KIF1B: variants seen among roughly 807,000 people sequenced by gnomAD.
KIF1B encodes the protein kinesin family member 1B, also known as kinesin-like protein KIF1B.
In KIF1B, 76 loss-of-function variants were observed where a neutral mutation model predicts 241.9. The observed-to-expected ratio is 0.31, with a 90% CI of 0.26 to 0.38. The LOEUF is 0.38. Ranked by LOEUF, KIF1B falls within the 10% of genes least tolerant of loss-of-function variation. The pLI, the probability that KIF1B is intolerant of heterozygous loss-of-function variation, is 1.00. For synonymous variants in KIF1B, 750 were observed against 796.7 expected (o/e 0.94, Z 0.99); for missense variants, 1,622 against 2,271.4 (o/e 0.71, Z 5.81).
chr1:10,216,954 TTTC>T (rs1226452821), intron 1 of KIF1B, among the ~76,000 whole-genome samples: 31 of 117,770 alleles, frequency 2.6e-4, no homozygotes, highest in Non-Finnish European at 4.4e-4. Context: ...ACTTGCCCAT[TTTC>T]TTTTTTTTTT....
chr1:10,282,917 G>A (rs10492971), intron 15 of KIF1B, among the ~76,000 whole-genome samples: 51,343 of 151,886 alleles, frequency 0.34, 8,828 homozygotes, highest in Admixed American at 0.38. Flanking sequence ...TAATAAAGAT[G>A]AAGTTTGGGC....
intron 22 of KIF1B, among the ~76,000 whole-genome samples, chr1:10,298,323 G>C (rs1453898894): frequency 6.6e-6 from 1 of 152,160 alleles, no homozygotes; most frequent in Admixed American, 6.5e-5. Flanking sequence ...AGAAGAAGGG[G>C]CTTAGTGCTA....
intron 2 of KIF1B, among the ~76,000 whole-genome samples, chr1:10,233,899 C>T (rs1050477461): frequency 6.6e-6 from 1 of 151,898 alleles, no homozygotes; most frequent in Non-Finnish European, 1.5e-5. Context: ...GCCTCGGCCT[C>T]GCAAAGTGCT....
Position 10,304,968 on chromosome 1 carries a change from A to G in KIF1B, c.2115+7722A>G, listed in dbSNP as rs543216101. 3.6e-5 allele frequency: 42 copies of G among 1,164,870 alleles called. No homozygotes were observed. In the African/African-American group the frequency reaches 6.3e-4, roughly 17 times the overall value. 72.2% of individuals were successfully genotyped at this position (1,164,870 alleles called of 1,614,324 possible). Reference sequence around the variant, plus strand: ...CTTGATGTAAGTTTGTTATGTTTTTATAATGCCTATAAATTAATCTGACAT... The same window carrying G: ...CTTGATGTAAGTTTGTTATGTTTTTGTAATGCCTATAAATTAATCTGACAT... On this transcript the variant is annotated intron_variant, in intron 22 of 48. Coordinates refer to ENST00000676179, the MANE Select transcript of KIF1B (RefSeq NM_001365951.3).
At position 10,341,880 on chromosome 1, in the gene KIF1B, A is replaced by T. The variant is rs1569861168; in HGVS notation, c.3514-170A>T. On this transcript the variant is annotated intron_variant, in intron 32 of 48. Coordinates refer to ENST00000676179, the MANE Select transcript of KIF1B (RefSeq NM_001365951.3). ...TAGCTACTCCGGAGGCTGAGGCAGG[A>T]GGATTGCTTGAGCCCGGGAGGGTGA... Among the ~76,000 whole-genome samples the T allele has an allele frequency of 4.7e-5, 7 of 150,042 alleles. No individual in the cohort carries two copies. In the South Asian group the frequency reaches 1.5e-3, roughly 32 times the overall value.
At position 10,368,485 on chromosome 1, in the gene KIF1B, C is replaced by G. The variant is rs1277117803; in HGVS notation, c.4771C>G (p.His1591Asp). ...LATKCLQLLT[H>D]TFNREFSQVH... ...TCTTTAGTGCCTGCAACTTCTCACC[C>G]ACACTTTCAACAGAGAATTCAGCCA... Residue 1591 changes from histidine (H) to aspartate (D), a missense_variant, in exon 44 of 49, where the codon CAC becomes GAC. Coordinates refer to ENST00000676179, the MANE Select transcript of KIF1B (RefSeq NM_001365951.3). The G allele has an allele frequency of 1.2e-6, 2 of 1,613,826 alleles. No individual in the cohort carries two copies.
At chr1:10,309,895 CT>C (rs1405189217) in intron 22 of KIF1B, among the ~76,000 whole-genome samples, 1 of 151,116 alleles carries the variant, frequency 6.6e-6, no homozygotes, top group Non-Finnish European at 1.5e-5. Context: ...ACACTCTGCC[CT>C]TTTTTTTGTT....
Position 10,380,738 on chromosome 1 carries a change from TC to T in KIF1B, c.*4154del. Reference sequence around the variant, plus strand: ...AAGAAAAGATTCATGATGCTGCTGCTCCCAGAAGGTTTGCTGGATGTGTTTA... The same window carrying T: ...AAGAAAAGATTCATGATGCTGCTGCTCCAGAAGGTTTGCTGGATGTGTTTA... On this transcript the variant is annotated 3_prime_UTR_variant, in exon 49 of 49. Coordinates refer to ENST00000676179, the MANE Select transcript of KIF1B (RefSeq NM_001365951.3). 1 of 214,346 alleles carries T rather than the reference TC, an allele frequency of 4.7e-6. No individual in the cohort carries two copies. The highest frequency in any genetic ancestry group is 7.0e-5 in the East Asian group (1 of 14,356). 13.3% of individuals were successfully genotyped at this position (214,346 alleles called of 1,614,324 possible).
At chr1:10,254,421 A>G (rs1338869848) in intron 2 of KIF1B, among the ~76,000 whole-genome samples, 1 of 152,196 alleles carries the variant, frequency 6.6e-6, no homozygotes, top group Non-Finnish European at 1.5e-5. Context: ...TTACACTCCA[A>G]AATGACTTAG....
In KIF1B at chr1:10,374,325, A is replaced by G. The variant is rs754035305; in HGVS notation, c.4956A>G (p.Glu1652=). ...TCTCTCTATTTTAAAGGACCCCAGA[A>G]GCCAATTCCCGGGCCTCTAGTCCCT... ...RSNSLDQKTP[E]ANSRASSPCP... is the part of the protein sequence containing the mutation. Residue 1652 remains glutamate (E), a synonymous_variant, in exon 46 of 49, where the codon GAA becomes GAG. Coordinates refer to ENST00000676179, the MANE Select transcript of KIF1B (RefSeq NM_001365951.3). This position sits in a 1 kb window ranked among gnomAD's most constrained non-coding sequence, Gnocchi z 4.3. 3.1e-6 allele frequency: 5 copies of G among 1,614,142 alleles called. No individual in the cohort carries two copies. The South Asian group carries it at 3.3e-5, about 11-fold the overall frequency.
chr1:10,316,031 G>A (rs1459951898), intron 22 of KIF1B, among the ~76,000 whole-genome samples: 1 of 146,788 alleles, frequency 6.8e-6, no homozygotes, highest in African/African-American at 2.6e-5. Flanking sequence ...ACTCCAGCCT[G>A]GGTGACAGAG....
chr1:10,291,268 C>A, intron 16 of KIF1B, 107 bp downstream of exon 16: 1 of 851,864 alleles, frequency 1.2e-6, no homozygotes, highest in Non-Finnish European at 1.8e-6. Flanking sequence ...GTCTGCCCTT[C>A]TAAAACACAA....
At chr1:10,274,172 A>G (rs1216602803) in intron 10 of KIF1B, among the ~76,000 whole-genome samples, 1 of 149,274 alleles carries the variant, frequency 6.7e-6, no homozygotes, top group East Asian at 1.9e-4. Context: ...TCCTGACCTC[A>G]AGTGATCCAC....
rs1374161210 is a variant in KIF1B at position 10,378,725 on chromosome 1, C to G, written c.*2138C>G. On this transcript the variant is annotated 3_prime_UTR_variant, in exon 49 of 49. Coordinates refer to ENST00000676179, the MANE Select transcript of KIF1B (RefSeq NM_001365951.3). Reference sequence around the variant, plus strand: ...CCTTGTTTCTCACTTCCTGGTTGGGCTCATCTCTGAAGAACAGGTCTCCCA... The same window carrying G: ...CCTTGTTTCTCACTTCCTGGTTGGGGTCATCTCTGAAGAACAGGTCTCCCA... 2 of 387,820 alleles carry G rather than the reference C, an allele frequency of 5.2e-6. No individual in the cohort carries two copies. The highest frequency in any genetic ancestry group is 4.0e-5 in the African/African-American group (2 of 49,958). 24.0% of individuals were successfully genotyped at this position (387,820 alleles called of 1,614,324 possible). A position where few individuals can be genotyped will look rare whatever the true frequency, so the allele number is the denominator to read the frequency against.
intron 2 of KIF1B, among the ~76,000 whole-genome samples, chr1:10,246,478 G>T (rs1217750083): frequency 6.6e-6 from 1 of 152,190 alleles, no homozygotes; most frequent in South Asian, 2.1e-4. Flanking sequence ...GGGTGTGGTG[G>T]CTCACGCCTG....
chr1:10,353,447 C>T (rs1312555906), intron 38 of KIF1B, among the ~76,000 whole-genome samples: 1 of 152,152 alleles, frequency 6.6e-6, no homozygotes, highest in Non-Finnish European at 1.5e-5. Context: ...ATCCTCTTAC[C>T]TCACCCAGGA....
At chr1:10,342,219 T>C (rs748253668) in intron 33 of KIF1B, 51 bp downstream of exon 33, 4 of 1,119,268 alleles carry the variant, frequency 3.6e-6, no homozygotes, top group Non-Finnish European at 5.5e-6. Context: ...TGATTTTTAG[T>C]TTCTCAATTG....
At chr1:10,324,418 C>T (rs1269733774) in intron 25 of KIF1B, among the ~76,000 whole-genome samples, 2 of 152,098 alleles carry the variant, frequency 1.3e-5, no homozygotes. Context: ...TATAATCTGG[C>T]TTCTTTTACA....
intron 4 of KIF1B, 81 bp from the exon 5 acceptor site, chr1:10,261,824 G>A: frequency 4.7e-6 from 4 of 848,356 alleles, no homozygotes; most frequent in Non-Finnish European, 8.3e-6. Context: ...AGGACGTCTG[G>A]CTAATTCATT....
Sources: gnomAD v4.1 joint callset for allele counts (sites outside exome capture counted in the v4.1 genomes callset) on GRCh38, gnomAD v4.1.1 for gene constraint, Gnocchi (gnomAD v3.1) non-coding constraint, MANE v1.5 for transcripts, NCBI Gene and HGNC (gene_info 2026-07-23, HGNC 2026-07-21) for gene names.